CCPG1: variants seen among roughly 807,000 people sequenced by gnomAD.
The protein encoded by CCPG1 is cell cycle progression protein 1.
In CCPG1, 46 loss-of-function variants were observed where a neutral mutation model predicts 81.3. The observed-to-expected ratio is 0.57, with a 90% CI of 0.45 to 0.72. The LOEUF is 0.72. Among genes scored for constraint, CCPG1 ranks in the 30% least tolerant of loss-of-function variants. CCPG1 has a pLI of 0.00. For missense variants in CCPG1, 902 were observed against 937.6 expected (o/e 0.96, Z 0.50); for synonymous variants, 330 against 305.2 (o/e 1.08, Z -0.85).
At chr15:55,361,015 T>C in intron 7 of CCPG1, 71 bp from the exon 8 acceptor site, 4 of 1,402,428 alleles carry the variant, frequency 2.9e-6, no homozygotes, top group Non-Finnish European at 3.7e-6. Flanking sequence ...ATCTTCAAGA[T>C]ATAATACCCC....
chr15:55,369,993 A>G (rs538715031), intron 6 of CCPG1, among the ~76,000 whole-genome samples: 2 of 146,274 alleles, frequency 1.4e-5, no homozygotes, highest in South Asian at 4.2e-4. Context: ...TCAGCTAGAT[A>G]GTCTATAAAG....
At chr15:55,392,468 C>T (rs1401575152) in intron 1 of CCPG1, among the ~76,000 whole-genome samples, 1 of 151,868 alleles carries the variant, frequency 6.6e-6, no homozygotes, top group African/African-American at 2.4e-5. Context: ...CCACCCAACT[C>T]AGCCTCCCAA....
chr15:55,388,059 G>C (rs972524512), intron 2 of CCPG1, among the ~76,000 whole-genome samples: 4 of 151,876 alleles, frequency 2.6e-5, no homozygotes, highest in Non-Finnish European at 5.9e-5. Context: ...GCTGAGGCAG[G>C]AGAATGGCTT....
chr15:55,373,857 G>A (rs961464633), intron 5 of CCPG1, among the ~76,000 whole-genome samples: 3 of 152,074 alleles, frequency 2.0e-5, no homozygotes, highest in African/African-American at 4.8e-5. Context: ...TAACAAAACA[G>A]CCTAACCCAC....
At chr15:55,375,487 T>C (rs578193343) in intron 5 of CCPG1, among the ~76,000 whole-genome samples, 3 of 150,820 alleles carry the variant, frequency 2.0e-5, no homozygotes, top group African/African-American at 7.4e-5. Flanking sequence ...GATTCTAAAA[T>C]CAATTACAAT....
chr15:55,400,620 AG>A (rs2057111230), intron 1 of CCPG1, among the ~76,000 whole-genome samples: 1 of 152,222 alleles, frequency 6.6e-6, no homozygotes, highest in South Asian at 2.1e-4. Flanking sequence ...GCTCTCCCAA[AG>A]GTAGTACAAA....
chr15:55,387,000 G>A (rs917733883), intron 2 of CCPG1, among the ~76,000 whole-genome samples: 2 of 152,172 alleles, frequency 1.3e-5, no homozygotes, highest in African/African-American at 4.8e-5. Flanking sequence ...GAATGGTAGA[G>A]GCTAAAGCAA....
At chr15:55,388,123 A>G (rs1329931229) in intron 2 of CCPG1, among the ~76,000 whole-genome samples, 1 of 151,976 alleles carries the variant, frequency 6.6e-6, no homozygotes, top group Non-Finnish European at 1.5e-5. Flanking sequence ...TGTACAAGAC[A>G]ACAAGAGCGA....
intron 1 of CCPG1, among the ~76,000 whole-genome samples, chr15:55,393,320 G>A (rs1290703663): frequency 6.6e-6 from 1 of 151,900 alleles, no homozygotes; most frequent in African/African-American, 2.4e-5. Context: ...CACACCTGTT[G>A]TCCTAGCTAC....
At chr15:55,366,596 A>T (rs1159039701) in intron 6 of CCPG1, among the ~76,000 whole-genome samples, 1 of 152,048 alleles carries the variant, frequency 6.6e-6, no homozygotes, top group Non-Finnish European at 1.5e-5. Flanking sequence ...ACATGGAGAA[A>T]CCCTGTCTCT....
intron 2 of CCPG1, 112 bp downstream of exon 2, chr15:55,389,253 T>C (rs375569795): frequency 3.3e-5 from 24 of 722,692 alleles, no homozygotes; most frequent in African/African-American, 2.1e-4. Context: ...AAAATGTCCA[T>C]TGGAACTTTT....
chr15:55,378,216 A>C, intron 4 of CCPG1, 84 bp downstream of exon 4: 2 of 791,634 alleles, frequency 2.5e-6, no homozygotes, highest in South Asian at 3.5e-5. Flanking sequence ...ATAGGAATAG[A>C]ATGCATAAAT....
chr15:55,377,884 C>G (rs933714016), intron 4 of CCPG1, among the ~76,000 whole-genome samples: 1 of 146,602 alleles, frequency 6.8e-6, no homozygotes, highest in Non-Finnish European at 1.5e-5. Flanking sequence ...TATAAATCAC[C>G]CAGTATCAGG....
chr15:55,404,210 A>G (rs2057174972), intron 1 of CCPG1, among the ~76,000 whole-genome samples: 2 of 143,210 alleles, frequency 1.4e-5, no homozygotes, highest in Admixed American at 1.4e-4. Context: ...ATAAAGTATG[A>G]ACACCACAAC....
chr15:55,401,832 T>G (rs753097233), intron 1 of CCPG1, among the ~76,000 whole-genome samples: 3 of 152,208 alleles, frequency 2.0e-5, no homozygotes, highest in Non-Finnish European at 2.9e-5. Context: ...CTCCTTAGTG[T>G]GACACTGAAA....
intron 2 of CCPG1, among the ~76,000 whole-genome samples, chr15:55,388,107 C>T (rs943311459): frequency 7.3e-5 from 11 of 151,702 alleles, no homozygotes; most frequent in African/African-American, 1.7e-4. Context: ...GCCGAGATTG[C>T]GTCACTGTAC....
intron 1 of CCPG1, among the ~76,000 whole-genome samples, chr15:55,407,076 A>C (rs945076156): frequency 2.0e-5 from 3 of 151,386 alleles, no homozygotes; most frequent in African/African-American, 7.3e-5. Flanking sequence ...AAAAATACAA[A>C]ATTTAGCTGG....
chr15:55,396,931 G>A (rs1046082655), intron 1 of CCPG1, among the ~76,000 whole-genome samples: 4 of 152,156 alleles, frequency 2.6e-5, no homozygotes, highest in African/African-American at 7.2e-5. Context: ...TAAGCCGGGC[G>A]CGGTGGCTCA....
At position 55,355,956 on chromosome 15, in the gene CCPG1, T is replaced by C; in HGVS notation, c.*264A>G. On this transcript the variant is annotated 3_prime_UTR_variant, in exon 9 of 9. Transcript: ENST00000442196. Reference sequence around the variant, plus strand: ...GAAGTCTCATTTCATGCACAAAATCTGTTGCATGCCTGGCTTCCTTAATAA... The same window carrying C: ...GAAGTCTCATTTCATGCACAAAATCCGTTGCATGCCTGGCTTCCTTAATAA... 1 of 441,074 alleles carries C rather than the reference T, an allele frequency of 2.3e-6. No homozygotes were observed. The highest frequency in any genetic ancestry group is 4.0e-6 in the Non-Finnish European group (1 of 251,578). 27.3% of individuals were successfully genotyped at this position (441,074 alleles called of 1,614,324 possible). A position where few individuals can be genotyped will look rare whatever the true frequency, so the allele number is the denominator to read the frequency against.
Sources: gnomAD v4.1 joint callset for allele counts (sites outside exome capture counted in the v4.1 genomes callset) on GRCh38, gnomAD v4.1.1 for gene constraint, MANE v1.5 for transcripts, NCBI Gene and HGNC (gene_info 2026-07-23, HGNC 2026-07-21) for gene names.